PDS5B: variants seen among roughly 807,000 people sequenced by gnomAD.
The protein encoded by PDS5B is sister chromatid cohesion protein PDS5 homolog B.
A neutral mutation model predicts 184.1 loss-of-function variants in PDS5B; 51 were observed. The observed-to-expected ratio is 0.28, with a 90% CI of 0.22 to 0.35. The LOEUF is 0.35. PDS5B is among the 10% of genes least tolerant of loss of function. PDS5B has a pLI of 1.00. For synonymous variants in PDS5B, 566 were observed against 569.2 expected (o/e 0.99, Z 0.08); for missense variants, 1,180 against 1,723.3 (o/e 0.68, Z 5.58).
At position 32,734,003 on chromosome 13, in the gene PDS5B, C is replaced by CACAA. The variant is rs768309579; in HGVS notation, c.2248-1166_2248-1165insAACA. ...AAATTAAAACACACACACACACACACACACACACACAAACATATATTTTGT... is the reference window on the plus strand; with the variant it reads ...AAATTAAAACACACACACACACACACACAAACACACACACAAACATATATTTTGT... On this transcript the variant is annotated intron_variant, in intron 20 of 34. Coordinates refer to ENST00000315596, the MANE Select transcript of PDS5B (RefSeq NM_015032.4). Among the ~76,000 whole-genome samples, 546 of 151,438 alleles carry CACAA rather than the reference C, an allele frequency of 3.6e-3. 1 individual carries two copies. The highest frequency in any genetic ancestry group is 5.9e-3 in the South Asian group (28 of 4,768).
chr13:32,684,808 A>C (rs937625993), intron 11 of PDS5B, among the ~76,000 whole-genome samples: 1 of 152,210 alleles, frequency 6.6e-6, no homozygotes, highest in Non-Finnish European at 1.5e-5. Context: ...ATCTTTGACT[A>C]GGTAAATTCT....
At chr13:32,729,173 A>G (rs1953015180) in intron 19 of PDS5B, among the ~76,000 whole-genome samples, 1 of 151,706 alleles carries the variant, frequency 6.6e-6, no homozygotes, top group East Asian at 1.9e-4. Flanking sequence ...TTCAACTTCC[A>G]CTTATGAGTG....
intron 21 of PDS5B, among the ~76,000 whole-genome samples, chr13:32,737,685 A>G (rs1953388696): frequency 6.6e-6 from 1 of 152,226 alleles, no homozygotes; most frequent in African/African-American, 2.4e-5. Flanking sequence ...TGTCAGAAAC[A>G]GAACTGCTCA....
intron 26 of PDS5B, 32 bp from the exon 27 acceptor site, chr13:32,758,055 T>C: frequency 1.0e-6 from 1 of 1,000,592 alleles, no homozygotes; most frequent in Non-Finnish European, 1.4e-6. Flanking sequence ...GATTTTCTTC[T>C]ATATTTCTTT....
intron 7 of PDS5B, among the ~76,000 whole-genome samples, chr13:32,668,380 A>G (rs1470372013): frequency 6.6e-6 from 1 of 152,212 alleles, no homozygotes; most frequent in Non-Finnish European, 1.5e-5. Context: ...TTGTAATAAA[A>G]TGAGACCTTT....
chr13:32,730,267 G>A (rs748696064), intron 19 of PDS5B, among the ~76,000 whole-genome samples: 1 of 151,996 alleles, frequency 6.6e-6, no homozygotes, highest in Non-Finnish European at 1.5e-5. Flanking sequence ...GATGTGTAAT[G>A]TTATTTCTGT....
chr13:32,614,060 C>T (rs2058183053), intron 1 of PDS5B, among the ~76,000 whole-genome samples: 1 of 152,120 alleles, frequency 6.6e-6, no homozygotes, highest in Non-Finnish European at 1.5e-5. Context: ...GAGTTTATTT[C>T]TAGGCTGTCT....
chr13:32,623,440 G>A (rs1162161423), intron 1 of PDS5B, among the ~76,000 whole-genome samples: 1 of 152,144 alleles, frequency 6.6e-6, no homozygotes, highest in Non-Finnish European at 1.5e-5. Flanking sequence ...GTCGGTTTTA[G>A]TCCCTCAACA....
chr13:32,688,510 T>G lies in PDS5B; in HGVS notation c.1410T>G (p.Thr470=). 2 of 1,610,912 alleles carry G rather than the reference T, an allele frequency of 1.2e-6. No individual in the cohort carries two copies. The highest frequency in any genetic ancestry group is 1.7e-6 in the Non-Finnish European group (2 of 1,177,360). Reference sequence around the variant, plus strand: ...ACATGGTTCCTCACAATTTAGAAACTACAGAACGGATGAAATGCTTATATT... The same window carrying G: ...ACATGGTTCCTCACAATTTAGAAACGACAGAACGGATGAAATGCTTATATT... ...AQYMVPHNLE[T]TERMKCLYYL... Residue 470 remains threonine (T), a synonymous_variant, in exon 13 of 35, where the codon ACT becomes ACG. Coordinates refer to ENST00000315596, the MANE Select transcript of PDS5B (RefSeq NM_015032.4).
intron 21 of PDS5B, 34 bp from the exon 22 acceptor site, chr13:32,741,045 TC>T (rs367955557): frequency 0.042 from 28,685 of 680,854 alleles, 295 homozygotes; most frequent in South Asian, 0.1. Context: ...CATTTTAAAG[TC>T]CCTGGTTTTT....
At chr13:32,635,361 T>TTA (rs1346830817) in intron 1 of PDS5B, among the ~76,000 whole-genome samples, 4 of 135,256 alleles carry the variant, frequency 3.0e-5, no homozygotes, top group African/African-American at 5.6e-5. Context: ...TTTTTTTTTT[T>TTA]AAAGACGGAG....
At position 32,648,795 on chromosome 13, in the gene PDS5B, C is replaced by T; in HGVS notation, c.23C>T (p.Thr8Ile). The T allele has an allele frequency of 1.3e-6, 2 of 1,531,948 alleles. No individual in the cohort carries two copies. The highest frequency in any genetic ancestry group is 2.2e-5 in the South Asian group (2 of 89,364). 94.9% of individuals were successfully genotyped at this position (1,531,948 alleles called of 1,614,324 possible). A position where few individuals can be genotyped will look rare whatever the true frequency, so the allele number is the denominator to read the frequency against. The change falls in exon 2 of 35, where the codon ACC becomes ATC. Residue 8 changes from threonine (T) to isoleucine (I), a missense_variant. Coordinates refer to ENST00000315596, the MANE Select transcript of PDS5B (RefSeq NM_015032.4). ...GTCATGGCTCATTCAAAGACTAGGA[C>T]CAATGATGGAAAAATTACATATCCG... MAHSKTR[T>I]NDGKITYPPG...
chr13:32,592,844 C>T (rs1474765998), intron 1 of PDS5B, among the ~76,000 whole-genome samples: 2 of 152,152 alleles, frequency 1.3e-5, no homozygotes, highest in Admixed American at 6.5e-5. Flanking sequence ...AGAGTCAAGA[C>T]AGCTTGGGTT....
chr13:32,609,486 G>A (rs2058108769), intron 1 of PDS5B, among the ~76,000 whole-genome samples: 2 of 152,162 alleles, frequency 1.3e-5, no homozygotes, highest in Admixed American at 1.3e-4. Flanking sequence ...TAACAACTCA[G>A]TTAGTTGTGG....
chr13:32,741,123 A>T lies in PDS5B; in HGVS notation c.2450A>T (p.Glu817Val). 6.3e-7 allele frequency: 1 copy of T among 1,576,710 alleles called. No individual in the cohort carries two copies. The highest frequency in any genetic ancestry group is 8.7e-7 in the Non-Finnish European group (1 of 1,149,672). The stretch of plus-strand genomic sequence containing the variant: ...ACTAAACTTTGGGTTCCAGATGAAG[A>T]AGTATCTCCTGAGACAATGGTCAAA... Reference protein sequence around the residue: ...KTTKLWVPDEEVSPETMVKIQ... With the variant: ...KTTKLWVPDEVVSPETMVKIQ... Residue 817 changes from glutamate to valine, a missense_variant, in exon 22 of 35, where the codon GAA (glutamate) becomes GTA (valine). By Grantham distance (121) the Glu-to-Val change is moderately radical. This residue lies in a region of PDS5B where 475 missense variants were observed against 691.5 expected (regional missense o/e 0.69). Transcript: ENST00000315596.
intron 6 of PDS5B, among the ~76,000 whole-genome samples, chr13:32,665,206 A>G (rs572739343): frequency 1.3e-5 from 2 of 152,234 alleles, no homozygotes; most frequent in African/African-American, 4.8e-5. Context: ...AATAATAAAA[A>G]TTAGCTACTT....
At position 32,775,017 on chromosome 13, in the gene PDS5B, G is replaced by A. The variant is rs1467113364; in HGVS notation, c.4309G>A (p.Val1437Ile). 2 of 1,612,950 alleles carry A rather than the reference G, an allele frequency of 1.2e-6. No homozygotes were observed. The highest frequency in any genetic ancestry group is 1.7e-6 in the Non-Finnish European group (2 of 1,179,326). The change falls in exon 35 of 35, where the codon GTA (valine) becomes ATA (isoleucine). Residue 1437 changes from valine to isoleucine, a missense_variant and splice_region_variant. Transcript: ENST00000315596. ...TEEEEVSTVN[V>I]RRRSAKRERR ...AGCATCTGGTGACTTTCCTTTTAAG[G>A]TACGGCGGCGAAGTGCTAAAAGGGA...
At chr13:32,721,118 A>G (rs868026649) in intron 19 of PDS5B, among the ~76,000 whole-genome samples, 318 of 152,270 alleles carry the variant, frequency 2.1e-3, no homozygotes, top group African/African-American at 7.3e-3. Context: ...CGACAAAACC[A>G]CCATTGTCAT....
In PDS5B at chr13:32,773,226, A is replaced by G. The variant is rs750631273; in HGVS notation, c.4210A>G (p.Asn1404Asp). The G allele has an allele frequency of 1.9e-6, 3 of 1,613,428 alleles. No individual in the cohort carries two copies. The highest frequency in any genetic ancestry group is 2.2e-5 in the South Asian group (2 of 91,010). The change falls in exon 34 of 35, where the codon AAT (asparagine) becomes GAT (aspartate). Residue 1404 changes from asparagine (N) to aspartate (D), a missense_variant. This residue lies in a region of PDS5B where 465 missense variants were observed against 497.8 expected (regional missense o/e 0.93). Transcript: ENST00000315596. Reference protein sequence around the residue: ...GRSKQAATKENDSSEEVDVFQ... With the variant: ...GRSKQAATKEDDSSEEVDVFQ... ...CTCCAAACAAGCAGCTACTAAGGAA[A>G]ATGATTCAAGTGAAGAAGTAGATGT...
Sources: allele counts gnomAD v4.1 joint callset (sites outside exome capture counted in the v4.1 genomes callset), GRCh38; gene constraint gnomAD v4.1.1; regional missense constraint gnomAD v4.1.1; transcripts MANE v1.5; gene names NCBI Gene and HGNC (gene_info 2026-07-23, HGNC 2026-07-21).